ARHGEF4: variants seen among roughly 807,000 people sequenced by gnomAD.
ARHGEF4 encodes APC-stimulated guanine nucleotide exchange factor 1.
ARHGEF4 carries 119 observed loss-of-function variants against 162.0 expected under a neutral mutation model. The observed-to-expected ratio is 0.73, with a 90% CI of 0.63 to 0.86. The LOEUF is 0.86. ARHGEF4 is among the 40% of genes least tolerant of loss of function. ARHGEF4 has a pLI of 0.00. For missense variants in ARHGEF4, 2,488 were observed against 2,456.0 expected (o/e 1.01, Z -0.28); for synonymous variants, 1,014 against 979.9 (o/e 1.03, Z -0.65).
chr2:130,995,173 C>T (rs1687294884), intron 4 of ARHGEF4, among the ~76,000 whole-genome samples: 1 of 152,238 alleles, frequency 6.6e-6, no homozygotes, highest in Admixed American at 6.5e-5. Flanking sequence ...GGAAACTTCC[C>T]TGTGAATGAA....
Position 130,917,291 on chromosome 2 carries a change from C to T in ARHGEF4, c.3345C>T (p.Ile1115=). The T allele has an allele frequency of 6.4e-7, 1 of 1,550,560 alleles. No homozygotes were observed. Among genetic ancestry groups the T allele is most frequent in the Non-Finnish European group, 8.7e-7 (1 of 1,146,982 alleles). ...ACTACCCCGGGAGGGGTAGCGCCAT[C>T]TCCATGGTTTCTCTTGGAAGCTACA... ...GLHYPGRGSA[I]SMVSLGSYSY... is the part of the protein sequence containing the mutation. Residue 1115 remains isoleucine (I), a synonymous_variant, in exon 2 of 14, where the codon ATC becomes ATT. Coordinates refer to ENST00000409359, the MANE Select transcript of ARHGEF4 (RefSeq NM_001367493.1).
chr2:131,044,611 T>C, intron 12 of ARHGEF4, 69 bp downstream of exon 12: 1 of 1,512,978 alleles, frequency 6.6e-7, no homozygotes, highest in Non-Finnish European at 8.9e-7. Context: ...CCTGGCCGCC[T>C]GCCGGTCAGG....
intron 1 of ARHGEF4, among the ~76,000 whole-genome samples, chr2:130,868,133 G>A (rs1039762515): frequency 2.6e-5 from 4 of 151,764 alleles, no homozygotes; most frequent in African/African-American, 9.7e-5. Flanking sequence ...CACCATGTTA[G>A]CCAGGATCGT....
At chr2:130,921,327 C>T (rs1681862613) in intron 2 of ARHGEF4, among the ~76,000 whole-genome samples, 1 of 152,140 alleles carries the variant, frequency 6.6e-6, no homozygotes, top group Non-Finnish European at 1.5e-5. Context: ...TGCTCCGAAT[C>T]ATCATAACAC....
intron 1 of ARHGEF4, among the ~76,000 whole-genome samples, chr2:130,839,400 C>T (rs1680447349): frequency 6.6e-6 from 1 of 152,212 alleles, no homozygotes; most frequent in Admixed American, 6.5e-5. Context: ...GTCTCCCAGT[C>T]AGACTCTGTT....
intron 4 of ARHGEF4, among the ~76,000 whole-genome samples, chr2:131,002,939 T>C (rs1385251951): frequency 6.6e-6 from 1 of 152,258 alleles, no homozygotes; most frequent in Admixed American, 6.5e-5. Context: ...AAGGGAACTG[T>C]TTTAATGAAT....
intron 4 of ARHGEF4, among the ~76,000 whole-genome samples, chr2:130,972,686 T>C (rs952943136): frequency 1.3e-5 from 2 of 152,200 alleles, no homozygotes; most frequent in African/African-American, 4.8e-5. Flanking sequence ...CAAAAACCTA[T>C]CTGTAAACTA....
At chr2:130,975,868 CGGA>C (rs1196288724) in intron 4 of ARHGEF4, among the ~76,000 whole-genome samples, 1 of 152,116 alleles carries the variant, frequency 6.6e-6, no homozygotes, top group East Asian at 1.9e-4. Context: ...CGGTCAGAGG[CGGA>C]GGACTGCTGA....
At chr2:131,035,044 C>A (rs967651395) in intron 5 of ARHGEF4, 1 of 994,886 alleles carries the variant, frequency 1.0e-6, no homozygotes, top group African/African-American at 1.8e-5. Context: ...CCGGCTCGGC[C>A]CTGTGCGGCG....
At chr2:131,045,270 C>T (rs1558905902) in intron 12 of ARHGEF4, 99 bp from the exon 13 acceptor site, 1 of 1,150,644 alleles carries the variant, frequency 8.7e-7, no homozygotes, top group African/African-American at 1.5e-5. Flanking sequence ...GTCCCCAGTA[C>T]ATGATGAGAC....
intron 4 of ARHGEF4, among the ~76,000 whole-genome samples, chr2:131,001,500 A>G (rs1004328383): frequency 3.3e-5 from 5 of 152,150 alleles, no homozygotes; most frequent in African/African-American, 1.2e-4. Context: ...TACCCTTCAC[A>G]TTGGCAGATG....
At chr2:130,921,409 T>G (rs1681866346) in intron 2 of ARHGEF4, among the ~76,000 whole-genome samples, 1 of 152,158 alleles carries the variant, frequency 6.6e-6, no homozygotes, top group Admixed American at 6.5e-5. Flanking sequence ...AACATTTGGG[T>G]CAGGGGCCTA....
intron 4 of ARHGEF4, among the ~76,000 whole-genome samples, chr2:130,994,358 T>C (rs1687241254): frequency 1.3e-5 from 2 of 152,218 alleles, no homozygotes; most frequent in Admixed American, 1.3e-4. Flanking sequence ...TAGCTTGAAA[T>C]GTATACACTC....
intron 1 of ARHGEF4, among the ~76,000 whole-genome samples, chr2:130,872,693 A>G (rs1244931852): frequency 6.6e-6 from 1 of 152,214 alleles, no homozygotes; most frequent in Non-Finnish European, 1.5e-5. Flanking sequence ...CAGCAGAGGG[A>G]AGAATTTCCC....
intron 3 of ARHGEF4, among the ~76,000 whole-genome samples, chr2:130,934,214 A>G (rs896503116): frequency 6.6e-6 from 1 of 152,094 alleles, no homozygotes; most frequent in African/African-American, 2.4e-5. Context: ...TCTTTGACCT[A>G]TTAATGTGGT....
intron 8 of ARHGEF4, among the ~76,000 whole-genome samples, chr2:131,040,915 A>G (rs1690760662): frequency 6.6e-6 from 1 of 150,392 alleles, no homozygotes; most frequent in Non-Finnish European, 1.5e-5. Context: ...GAGGGTGAGC[A>G]GAGGATGCCT....
intron 3 of ARHGEF4, among the ~76,000 whole-genome samples, chr2:130,943,539 G>C (rs1269008613): frequency 6.6e-6 from 1 of 151,814 alleles, no homozygotes; most frequent in African/African-American, 2.4e-5. Flanking sequence ...TGGATTATTT[G>C]GGTATTTTTT....
chr2:130,999,446 G>A (rs1418308142), intron 4 of ARHGEF4, among the ~76,000 whole-genome samples: 1 of 152,182 alleles, frequency 6.6e-6, no homozygotes, highest in Non-Finnish European at 1.5e-5. Context: ...ATGAGCCACT[G>A]TGCCCGGCCA....
intron 4 of ARHGEF4, among the ~76,000 whole-genome samples, chr2:131,014,308 C>G (rs1688644643): frequency 6.6e-6 from 1 of 152,212 alleles, no homozygotes; most frequent in African/African-American, 2.4e-5. Context: ...ATAACACTAC[C>G]ATGTGTCAGA....
Sources: allele counts gnomAD v4.1 joint callset (sites outside exome capture counted in the v4.1 genomes callset), GRCh38; gene constraint gnomAD v4.1.1; transcripts MANE v1.5; gene names NCBI Gene and HGNC (gene_info 2026-07-23, HGNC 2026-07-21).